The following GRN variants were observed in gnomAD, a reference collection of about 807,000 sequenced individuals.
The protein encoded by GRN is progranulin.
In GRN, 30 loss-of-function variants were observed where a neutral mutation model predicts 66.7. The ratio of observed to expected loss-of-function variants is 0.45; its 90% CI spans 0.34 to 0.61. The LOEUF (loss-of-function observed/expected upper bound fraction) is 0.61. GRN is among the 20% of genes least tolerant of loss of function. The pLI is 0.01. For missense variants in GRN, 731 were observed against 803.5 expected (o/e 0.91, Z 1.09); for synonymous variants, 327 against 311.1 (o/e 1.05, Z -0.54).
chr17:44,352,685 C>A lies in GRN; in HGVS notation c.1669C>A (p.His557Asn). Residue 557 changes from histidine to asparagine, a missense_variant, in exon 13 of 13, where the codon CAC (histidine) becomes AAC (asparagine). By Grantham distance (68) the His-to-Asn change is moderately conservative (BLOSUM62 1). Coordinates refer to ENST00000053867, the MANE Select transcript of GRN (RefSeq NM_002087.4). ...RQGVCCADRR[H>N]CCPAGFRCAA... ...GGGCGTCTGTTGTGCTGATCGGCGC[C>A]ACTGCTGTCCTGCTGGCTTCCGCTG... The A allele has an allele frequency of 6.2e-7, 1 of 1,610,296 alleles. No individual in the cohort carries two copies. The highest frequency in any genetic ancestry group is 1.1e-5 in the South Asian group (1 of 91,090).
chr17:44,352,268 C>T lies in GRN; in HGVS notation c.1413+20C>T. On this transcript the variant is annotated intron_variant, in intron 11 of 12. Transcript: ENST00000053867. ...CCCCATGTGAGTGCCTCCCTGCCTG[C>T]CCCTGGATAGGGGAGCTAAGCCCAG... 6.2e-7 allele frequency: 1 copy of T among 1,601,854 alleles called. No individual in the cohort carries two copies.
At chr17:44,347,426 T>C (rs921220808) in intron 1 of GRN, among the ~76,000 whole-genome samples, 3 of 151,846 alleles carry the variant, frequency 2.0e-5, no homozygotes, top group Non-Finnish European at 4.4e-5. Context: ...GTAGCTGGGA[T>C]TGCAGGTGTG....
chr17:44,347,584 A>G (rs757232512), intron 1 of GRN, among the ~76,000 whole-genome samples: 2 of 151,414 alleles, frequency 1.3e-5, no homozygotes, highest in Admixed American at 6.6e-5. Context: ...ACCGCGCCCA[A>G]TATATTTTGA....
intron 12 of GRN, 44 bp from the exon 13 acceptor site, chr17:44,352,617 G>C (rs2048389055): frequency 1.2e-6 from 2 of 1,611,218 alleles, no homozygotes; most frequent in Non-Finnish European, 1.7e-6. Context: ...CCAGGGACCA[G>C]GTCCCACCTC....
chr17:44,349,813 G>C, intron 4 of GRN, 62 bp downstream of exon 4: 6 of 1,152,448 alleles, frequency 5.2e-6, no homozygotes, highest in Non-Finnish European at 6.5e-6. Flanking sequence ...TGGAACCCAG[G>C]AGCCCAGCTG....
chr17:44,348,587 A>G (rs2048342619), intron 1 of GRN, among the ~76,000 whole-genome samples: 1 of 152,196 alleles, frequency 6.6e-6, no homozygotes, highest in Admixed American at 6.5e-5. Context: ...ACTGGCCACC[A>G]TATTTCCTTT....
intron 1 of GRN, among the ~76,000 whole-genome samples, chr17:44,348,854 A>G (rs1414571376): frequency 6.6e-6 from 1 of 152,208 alleles, no homozygotes; most frequent in South Asian, 2.1e-4. Context: ...CCTGACTCTC[A>G]TAAGCCTGCC....
At position 44,352,376 on chromosome 17, in the gene GRN, G is replaced by A. The variant is rs150294858; in HGVS notation, c.1449G>A (p.Pro483=). ...GCGAGGATCGCCAGCACTGCTGCCCGGCTGGCTACACCTGCAACGTGAAGG... is the reference window on the plus strand; with the variant it reads ...GCGAGGATCGCCAGCACTGCTGCCCAGCTGGCTACACCTGCAACGTGAAGG... ...VCCEDRQHCC[P]AGYTCNVKAR... Residue 483 remains proline (P), a synonymous_variant, in exon 12 of 13, where the codon CCG becomes CCA. Coordinates refer to ENST00000053867, the MANE Select transcript of GRN (RefSeq NM_002087.4). 2.5e-5 allele frequency: 40 copies of A among 1,613,734 alleles called. No individual in the cohort carries two copies. In the Middle Eastern group the frequency reaches 9.9e-4, roughly 40 times the overall value.
chr17:44,348,573 C>G (rs1444220793), intron 1 of GRN, among the ~76,000 whole-genome samples: 1 of 152,236 alleles, frequency 6.6e-6, no homozygotes, highest in Non-Finnish European at 1.5e-5. Flanking sequence ...GCAGCCCAGA[C>G]TCCACTGGCC....
Position 44,349,315 on chromosome 17 carries a change from C to G in GRN, c.138+13C>G. ...CCGTCCCCTTCTGGTGAGTGCCCCT[C>G]AGCCTAGGCAAGAGCTGGCAGCCTG... On this transcript the variant is annotated intron_variant, in intron 2 of 12. Coordinates refer to ENST00000053867, the MANE Select transcript of GRN (RefSeq NM_002087.4). 1 of 1,613,964 alleles carries G rather than the reference C, an allele frequency of 6.2e-7. No homozygotes were observed. Among genetic ancestry groups the G allele is most frequent in the Non-Finnish European group, 8.5e-7 (1 of 1,180,008 alleles).
chr17:44,351,211 C>A (rs2048370984), intron 8 of GRN, 48 bp downstream of exon 8: 1 of 1,608,832 alleles, frequency 6.2e-7, no homozygotes, highest in South Asian at 1.1e-5. Flanking sequence ...CCTTTCCTCC[C>A]TTTTAGGCCT....
At chr17:44,350,070 G>T (rs2048357235) in intron 4 of GRN, among the ~76,000 whole-genome samples, 158 bp from the exon 5 acceptor site, 1 of 152,134 alleles carries the variant, frequency 6.6e-6, no homozygotes, top group African/African-American at 2.4e-5. Context: ...ATTGTGAGGA[G>T]GGTGAGTTAG....
chr17:44,349,114 G>A (rs1313997931), intron 1 of GRN, 44 bp from the exon 2 acceptor site: 9 of 1,609,060 alleles, frequency 5.6e-6, no homozygotes, highest in East Asian at 2.2e-5. Context: ...ATCAAGGGTG[G>A]CGTGGGCTTA....
chr17:44,348,491 G>A (rs138494246), intron 1 of GRN, among the ~76,000 whole-genome samples: 1 of 152,364 alleles, frequency 6.6e-6, no homozygotes, highest in Non-Finnish European at 1.5e-5. Context: ...CTCAAGGGCT[G>A]ACCCAGCTTC....
Position 44,350,443 on chromosome 17 carries a change from C to T in GRN, c.464C>T (p.Ala155Val), listed in dbSNP as rs1598363657. ...GSWGCCPMPQ[A>V]SCCEDRVHCC... ...GGAGTCAGGACCATTTTTTCTCAGGCTTCCTGCTGTGAAGACAGGGTGCAC... is the reference window on the plus strand; with the variant it reads ...GGAGTCAGGACCATTTTTTCTCAGGTTTCCTGCTGTGAAGACAGGGTGCAC... Residue 155 changes from alanine (A) to valine (V), a missense_variant and splice_region_variant, in exon 6 of 13, where the codon GCT becomes GTT. Transcript: ENST00000053867. 6.2e-7 allele frequency: 1 copy of T among 1,613,966 alleles called. No homozygotes were observed.
Position 44,350,727 on chromosome 17 carries a change from G to A in GRN, c.635G>A (p.Arg212Gln), listed in dbSNP as rs63750787. The A allele has an allele frequency of 9.0e-5, 146 of 1,613,944 alleles. No homozygotes were observed. Among genetic ancestry groups the A allele is most frequent in the Admixed American group, 6.3e-4 (38 of 59,998 alleles). The change falls in exon 7 of 13, where the codon CGG becomes CAG. Residue 212 changes from arginine to glutamine, a missense_variant. Physicochemically the swap from Arg to Gln is conservative, Grantham distance 43. Around this residue, in one of 3 missense-constraint regions of GRN, gnomAD observed 370 missense variants for 379.8 expected, o/e 0.97. Transcript: ENST00000053867. ...LSSSVMCPDA[R>Q]SRCPDGSTCC... is the part of the protein sequence containing the mutation. Reference sequence around the variant, plus strand: ...AGCTCGGTCATGTGTCCGGACGCACGGTCCCGGTGCCCTGATGGTTCTACC... The same window carrying A: ...AGCTCGGTCATGTGTCCGGACGCACAGTCCCGGTGCCCTGATGGTTCTACC...
At chr17:44,350,986 G>T (rs2048367717) in intron 7 of GRN, 51 bp from the exon 8 acceptor site, 1 of 1,604,348 alleles carries the variant, frequency 6.2e-7, no homozygotes, top group Non-Finnish European at 8.5e-7. Context: ...GCTGCTCCCT[G>T]TGTGCTACTG....
chr17:44,352,011 C>T lies in GRN; in HGVS notation c.1180-4C>T, dbSNP rs878869885. ...TACAACGCCCTTTCCTGCCCACCCCCCAGGCTGTCTGCTGCTCGGACCACC... is the reference window on the plus strand; with the variant it reads ...TACAACGCCCTTTCCTGCCCACCCCTCAGGCTGTCTGCTGCTCGGACCACC... On this transcript the variant is annotated splice_polypyrimidine_tract_variant and splice_region_variant and intron_variant, in intron 10 of 12. Coordinates refer to ENST00000053867, the MANE Select transcript of GRN (RefSeq NM_002087.4). 6.2e-7 allele frequency: 1 copy of T among 1,610,866 alleles called. No homozygotes were observed. The highest frequency in any genetic ancestry group is 8.5e-7 in the Non-Finnish European group (1 of 1,178,180).
In GRN at chr17:44,351,916, G is replaced by A. The variant is rs910516876; in HGVS notation, c.1180-99G>A. The A allele has an allele frequency of 3.4e-6, 5 of 1,462,664 alleles. No individual in the cohort carries two copies. In the South Asian group the frequency reaches 4.6e-5, roughly 13 times the overall value. The allele number at this position is 1,462,664 out of a possible 1,614,324, so 90.6% of individuals were successfully genotyped here. On this transcript the variant is annotated intron_variant, in intron 10 of 12. Coordinates refer to ENST00000053867, the MANE Select transcript of GRN (RefSeq NM_002087.4). ...TCTGACAGATTCGTCCCCAGCTGGA[G>A]GTGCTGTAAGCAGGAGAGGCGGGCT...
Sources: gnomAD v4.1 joint callset for allele counts (sites outside exome capture counted in the v4.1 genomes callset) on GRCh38, gnomAD v4.1.1 for gene constraint, gnomAD v4.1.1 regional missense constraint, MANE v1.5 for transcripts, NCBI Gene and HGNC (gene_info 2026-07-23, HGNC 2026-07-21) for gene names.